SHISA9: variants seen among roughly 807,000 people sequenced by gnomAD.
SHISA9 encodes the protein shisa family member 9, also known as protein shisa-9.
A neutral mutation model predicts 38.0 loss-of-function variants in SHISA9; 13 were observed. The observed-to-expected ratio is 0.34, with a 90% CI of 0.22 to 0.54. SHISA9 has a LOEUF of 0.54. SHISA9 is among the 20% of genes least tolerant of loss of function. The pLI, the probability that SHISA9 is intolerant of heterozygous loss-of-function variation, is 0.91. For synonymous variants in SHISA9, 275 were observed against 242.0 expected (o/e 1.14, Z -1.27); for missense variants, 538 against 575.8 (o/e 0.93, Z 0.67).
chr16:13,408,406 TAATAA>T, the SHISA9 span, among the ~76,000 whole-genome samples: 10 of 152,212 alleles, frequency 6.6e-5, no homozygotes, highest in African/African-American at 2.2e-4. Flanking sequence ...AATAATTGAC[TAATAA>T]AATAAACACC....
chr16:13,377,795 A>G, the SHISA9 span, among the ~76,000 whole-genome samples: 3 of 152,214 alleles, frequency 2.0e-5, no homozygotes, highest in Admixed American at 6.5e-5. Context: ...TGGGAGGCCA[A>G]GGTGGGCGGA....
At chr16:13,103,737 C>T (rs1046549520) in intron 2 of SHISA9, among the ~76,000 whole-genome samples, 1 of 152,230 alleles carries the variant, frequency 6.6e-6, no homozygotes, top group Non-Finnish European at 1.5e-5. Flanking sequence ...CAGCTGACTG[C>T]ATTCATCTCA....
chr16:13,404,149 A>C, the SHISA9 span, among the ~76,000 whole-genome samples: 1 of 152,156 alleles, frequency 6.6e-6, no homozygotes, highest in Non-Finnish European at 1.5e-5. Context: ...CCACCACCTA[A>C]AATTCCCTTC....
intron 2 of SHISA9, among the ~76,000 whole-genome samples, chr16:13,175,917 A>T (rs1399776800): frequency 6.6e-6 from 1 of 152,202 alleles, no homozygotes; most frequent in Non-Finnish European, 1.5e-5. Flanking sequence ...CCAGAGGGCT[A>T]TTGAGTTGGC....
the SHISA9 span, chr16:13,332,515 C>A: frequency 6.6e-6 from 1 of 152,158 alleles, no homozygotes; most frequent in African/African-American, 2.4e-5. Flanking sequence ...GAGGCCCCAT[C>A]CTACCTCAAA....
the SHISA9 span, among the ~76,000 whole-genome samples, chr16:13,492,224 C>T: frequency 1.3e-5 from 2 of 152,198 alleles, no homozygotes; most frequent in East Asian, 1.9e-4. Flanking sequence ...TCCCCAGCAA[C>T]ATTCTGTGGG....
intron 2 of SHISA9, among the ~76,000 whole-genome samples, chr16:13,130,078 A>G (rs946873604): frequency 6.6e-6 from 1 of 152,142 alleles, no homozygotes; most frequent in Non-Finnish European, 1.5e-5. Flanking sequence ...TTTCTTCCTC[A>G]AGATCTATTT....
intron 2 of SHISA9, among the ~76,000 whole-genome samples, chr16:13,180,285 G>A (rs1308041767): frequency 6.6e-6 from 1 of 152,232 alleles, no homozygotes; most frequent in Non-Finnish European, 1.5e-5. Flanking sequence ...GATATTTGCT[G>A]TGTTGACTGC....
chr16:13,198,500 T>C (rs1299677127), intron 2 of SHISA9, among the ~76,000 whole-genome samples: 1 of 152,126 alleles, frequency 6.6e-6, no homozygotes, highest in African/African-American at 2.4e-5. Context: ...ATAACCTAGA[T>C]CTCATTCATG....
At chr16:13,045,612 GGGAGAGGGAGA>G (rs2073178185) in intron 2 of SHISA9, among the ~76,000 whole-genome samples, 1 of 148,352 alleles carries the variant, frequency 6.7e-6, no homozygotes, top group Non-Finnish European at 1.5e-5. Context: ...GAGAGGGAGA[GGGAGAGGGAGA>G]GGGAGAGGGA....
intron 2 of SHISA9, among the ~76,000 whole-genome samples, chr16:13,064,853 A>G (rs2073416428): frequency 6.6e-6 from 1 of 152,036 alleles, no homozygotes; most frequent in East Asian, 1.9e-4. Flanking sequence ...AGAGTGGGAT[A>G]TAAACCAAAC....
At chr16:13,254,675 A>G in the SHISA9 span, among the ~76,000 whole-genome samples, 1 of 152,198 alleles carries the variant, frequency 6.6e-6, no homozygotes, top group Non-Finnish European at 1.5e-5. Context: ...CCCAGAACCA[A>G]ATAGAGTCTT....
At chr16:13,216,060 G>A (rs1405247664) in intron 4 of SHISA9, among the ~76,000 whole-genome samples, 2 of 152,018 alleles carry the variant, frequency 1.3e-5, no homozygotes, top group Non-Finnish European at 2.9e-5. Flanking sequence ...GGTGGCACGT[G>A]CCTGTAGTCC....
At chr16:13,355,390 G>C in the SHISA9 span, among the ~76,000 whole-genome samples, 4 of 151,316 alleles carry the variant, frequency 2.6e-5, no homozygotes, top group Admixed American at 6.6e-5. Context: ...GGAGGGAGTA[G>C]AGGTATCTTA....
chr16:13,092,428 A>G lies in SHISA9; in HGVS notation c.692-110966A>G, dbSNP rs187042027. Among the ~76,000 whole-genome samples the G allele has an allele frequency of 1.7e-3, 266 of 152,302 alleles. 1 individual carries two copies. The highest frequency in any genetic ancestry group is 6.1e-3 in the African/African-American group (255 of 41,570). ...TTGTTCAGCTATGCCCTGCCCACAG[A>G]GGTGGAATCTAGAGGCAGTAGGCCT... On this transcript the variant is annotated intron_variant, in intron 2 of 4. Transcript: ENST00000558583.
intron 2 of SHISA9, among the ~76,000 whole-genome samples, chr16:12,953,258 A>G (rs2071784342): frequency 6.6e-6 from 1 of 152,188 alleles, no homozygotes; most frequent in South Asian, 2.1e-4. Context: ...GCCAAAGCTT[A>G]TAAAGGCCAA....
chr16:13,074,818 C>A (rs995476733), intron 2 of SHISA9, among the ~76,000 whole-genome samples: 1 of 151,908 alleles, frequency 6.6e-6, no homozygotes, highest in Non-Finnish European at 1.5e-5. Flanking sequence ...GCACATGCCA[C>A]CATGCCTGGC....
At chr16:13,478,730 A>T in the SHISA9 span, among the ~76,000 whole-genome samples, 39 of 152,338 alleles carry the variant, frequency 2.6e-4, no homozygotes, top group African/African-American at 9.1e-4. Flanking sequence ...AGTATTACTA[A>T]GCCTTTCTAC....
At chr16:13,074,022 T>G (rs1436981282) in intron 2 of SHISA9, among the ~76,000 whole-genome samples, 1 of 146,206 alleles carries the variant, frequency 6.8e-6, no homozygotes, top group African/African-American at 2.5e-5. Flanking sequence ...CAGGCTGGAA[T>G]GCAGTGGCGT....
Sources: allele counts gnomAD v4.1 joint callset (sites outside exome capture counted in the v4.1 genomes callset), GRCh38; gene constraint gnomAD v4.1.1; transcripts MANE v1.5; gene names NCBI Gene and HGNC (gene_info 2026-07-23, HGNC 2026-07-21).